The following ST8SIA5 variants were observed in gnomAD, a reference collection of about 807,000 sequenced individuals.
The protein encoded by ST8SIA5 is ST8 alpha-N-acetyl-neuraminide alpha-2,8-sialyltransferase 5.
Under a neutral mutation model 40.2 loss-of-function variants are expected in ST8SIA5, and 24 were observed. The ratio of observed to expected loss-of-function variants is 0.60; its 90% CI spans 0.43 to 0.84. The LOEUF is 0.84. Among genes scored for constraint, ST8SIA5 ranks in the 40% least tolerant of loss-of-function variants. The probability of loss-of-function intolerance (pLI) is 0.00; values close to 1 mark genes in which losing one functional copy is unlikely to be tolerated. For missense variants in ST8SIA5, 465 were observed against 498.5 expected, an observed-to-expected ratio of 0.93 and a Z score of 0.64; for synonymous variants, 198 against 201.8, an observed-to-expected ratio of 0.98 and a Z score of 0.16.
chr18:46,692,318 C>T (rs1052225320), intron 2 of ST8SIA5, 63 bp from the exon 3 acceptor site: 4 of 1,483,414 alleles, frequency 2.7e-6, no homozygotes, highest in Non-Finnish European at 3.8e-6. Flanking sequence ...CGATCATTCC[C>T]AGAAATGCTC....
intron 1 of ST8SIA5, among the ~76,000 whole-genome samples, chr18:46,718,804 T>C (rs1163836966): frequency 1.3e-5 from 2 of 152,126 alleles, no homozygotes. Context: ...AATTATTCAA[T>C]ATGTGAATAA....
At position 46,674,876 on chromosome 18, in the gene ST8SIA5, A is replaced by G. The variant is rs1357415811; in HGVS notation, c.*5166T>C. 5 of 152,204 alleles carry G rather than the reference A, an allele frequency of 3.3e-5. No homozygotes were observed. Among genetic ancestry groups the G allele is most frequent in the Non-Finnish European group, 4.4e-5 (3 of 68,088 alleles). 9.4% of individuals were successfully genotyped at this position (152,204 alleles called of 1,614,324 possible). A position where few individuals can be genotyped will look rare whatever the true frequency, so the allele number is the denominator to read the frequency against. On this transcript the variant is annotated 3_prime_UTR_variant, in exon 7 of 7. Coordinates refer to ENST00000315087, the MANE Select transcript of ST8SIA5 (RefSeq NM_013305.6). Reference sequence around the variant, plus strand: ...AGGGCCATTCCAGGTGTTTGAACAGAGTGTGCAAAGGTGCCTGGAATAGTA... The same window carrying G: ...AGGGCCATTCCAGGTGTTTGAACAGGGTGTGCAAAGGTGCCTGGAATAGTA...
Position 46,682,154 on chromosome 18 carries a change from T to C in ST8SIA5, c.570-90A>G, listed in dbSNP as rs983623038. The C allele has an allele frequency of 8.7e-6, 9 of 1,040,302 alleles. No homozygotes were observed. In the Admixed American group the frequency reaches 2.2e-4, roughly 25 times the overall value. 64.4% of individuals were successfully genotyped at this position (1,040,302 alleles called of 1,614,324 possible). ...AGGGGGAGGGGAGGGATGGTGATCA[T>C]GTGGGCAGAGGGATGCAAAGGCAAC... On this transcript the variant is annotated intron_variant, in intron 5 of 6. Coordinates refer to ENST00000315087, the MANE Select transcript of ST8SIA5 (RefSeq NM_013305.6).
At chr18:46,686,913 C>A (rs1243041352) in intron 4 of ST8SIA5, among the ~76,000 whole-genome samples, 1 of 151,678 alleles carries the variant, frequency 6.6e-6, no homozygotes, top group Non-Finnish European at 1.5e-5. Flanking sequence ...TTAAGAATTA[C>A]CTGGGATACT....
At chr18:46,743,949 ATATCCAGCCAAAC>A (rs753026192) in intron 1 of ST8SIA5, among the ~76,000 whole-genome samples, 4 of 152,240 alleles carry the variant, frequency 2.6e-5, no homozygotes, top group Admixed American at 1.3e-4. Context: ...CCAGAATTTC[ATATCCAGCCAAAC>A]TAAGCTTCAT....
intron 1 of ST8SIA5, among the ~76,000 whole-genome samples, chr18:46,742,447 T>C (rs1391265290): frequency 5.3e-5 from 8 of 150,654 alleles, no homozygotes; most frequent in Admixed American, 1.3e-4. Context: ...AATAGCAGAA[T>C]TGGACTTCAT....
intron 1 of ST8SIA5, chr18:46,723,157 G>A (rs932937764): frequency 6.0e-6 from 1 of 165,664 alleles, no homozygotes; most frequent in South Asian, 1.7e-4. Context: ...CGCAGGATGG[G>A]TGAGTCAGAT....
At chr18:46,681,266 C>A (rs935711801) in intron 6 of ST8SIA5, among the ~76,000 whole-genome samples, 1 of 152,160 alleles carries the variant, frequency 6.6e-6, no homozygotes, top group Non-Finnish European at 1.5e-5. Flanking sequence ...GCATGAGCCA[C>A]CACACCTGGC....
At chr18:46,711,516 T>C (rs12605659) in intron 1 of ST8SIA5, among the ~76,000 whole-genome samples, 94,539 of 152,050 alleles carry the variant, frequency 0.62, 29,712 homozygotes, top group East Asian at 0.78. Context: ...CAGCCATCGT[T>C]CTCTGGGGGG....
At chr18:46,688,075 C>T (rs573190432) in intron 4 of ST8SIA5, among the ~76,000 whole-genome samples, 50 of 152,336 alleles carry the variant, frequency 3.3e-4, no homozygotes, top group Middle Eastern at 6.8e-3. Flanking sequence ...TCACTCACTG[C>T]GGTCCTCAAT....
rs1245794084 is a variant in ST8SIA5, at chr18:46,715,242, C to A, written c.132-10578G>T. On this transcript the variant is annotated intron_variant, in intron 1 of 6. Transcript: ENST00000315087. Reference sequence around the variant, plus strand: ...GGAAGGCTGAAGTGAGCCAGCTGCACCTGCCACACAGGAGTGTGCTTCCTC... The same window carrying A: ...GGAAGGCTGAAGTGAGCCAGCTGCAACTGCCACACAGGAGTGTGCTTCCTC... Among the ~76,000 whole-genome samples, 3 of 152,228 alleles carry A rather than the reference C, an allele frequency of 2.0e-5. No individual in the cohort carries two copies. The South Asian group carries it at 6.2e-4, about 32-fold the overall frequency.
intron 1 of ST8SIA5, among the ~76,000 whole-genome samples, chr18:46,746,451 T>C (rs1464664673): frequency 6.6e-6 from 1 of 152,032 alleles, no homozygotes; most frequent in Non-Finnish European, 1.5e-5. Flanking sequence ...AAATCATGAG[T>C]GAACTCCCAT....
chr18:46,692,337 T>A lies in ST8SIA5; in HGVS notation c.225-82A>T, dbSNP rs899759068. The A allele has an allele frequency of 7.0e-6, 9 of 1,289,008 alleles. No individual in the cohort carries two copies. In the African/African-American group the frequency reaches 1.3e-4, roughly 19 times the overall value. 79.8% of individuals were successfully genotyped at this position (1,289,008 alleles called of 1,614,324 possible). A position where few individuals can be genotyped will look rare whatever the true frequency, so the allele number is the denominator to read the frequency against. ...CATTCCCAGAAATGCTCCCTCCTGA[T>A]CTCCCATAGGCCAAGTCCAGTCCTG... On this transcript the variant is annotated intron_variant, in intron 2 of 6. Coordinates refer to ENST00000315087, the MANE Select transcript of ST8SIA5 (RefSeq NM_013305.6).
intron 2 of ST8SIA5, among the ~76,000 whole-genome samples, chr18:46,701,231 C>A (rs889084681): frequency 6.7e-6 from 1 of 148,558 alleles, no homozygotes; most frequent in Non-Finnish European, 1.5e-5. Flanking sequence ...ACCTCCACCT[C>A]CCGGGTTCAA....
intron 1 of ST8SIA5, among the ~76,000 whole-genome samples, chr18:46,747,491 C>T (rs957590071): frequency 1.3e-5 from 2 of 152,198 alleles, no homozygotes; most frequent in African/African-American, 4.8e-5. Flanking sequence ...CACTGGTCAT[C>T]AGAGAAATCC....
Position 46,676,190 on chromosome 18 carries a change from G to A in ST8SIA5, c.*3852C>T, listed in dbSNP as rs907477320. 1 of 152,142 alleles carries A rather than the reference G, an allele frequency of 6.6e-6. No individual in the cohort carries two copies. The highest frequency in any genetic ancestry group is 2.1e-4 in the South Asian group (1 of 4,816). 9.4% of individuals were successfully genotyped at this position (152,142 alleles called of 1,614,324 possible). On this transcript the variant is annotated 3_prime_UTR_variant, in exon 7 of 7. Transcript: ENST00000315087. ...CTGCCAACCTTCAGAATTCGGAATT[G>A]ACTTTGGTCATCCCCTCCTCCACCT... is the stretch of plus-strand genomic sequence containing the variant.
chr18:46,740,018 T>C lies in ST8SIA5; in HGVS notation c.131+16360A>G, dbSNP rs187593032. Among the ~76,000 whole-genome samples, 28 of 152,298 alleles carry C rather than the reference T, an allele frequency of 1.8e-4. No homozygotes were observed. In the East Asian group the frequency reaches 5.4e-3, roughly 29 times the overall value. Reference sequence around the variant, plus strand: ...CTATGGCCAGTCATATTTCCTTCTCTCTTTCTCAGATATTGATCCCAAGAA... The same window carrying C: ...CTATGGCCAGTCATATTTCCTTCTCCCTTTCTCAGATATTGATCCCAAGAA... On this transcript the variant is annotated intron_variant, in intron 1 of 6. Coordinates refer to ENST00000315087, the MANE Select transcript of ST8SIA5 (RefSeq NM_013305.6).
At chr18:46,696,108 C>T (rs2039554625) in intron 2 of ST8SIA5, among the ~76,000 whole-genome samples, 1 of 152,166 alleles carries the variant, frequency 6.6e-6, no homozygotes, top group Non-Finnish European at 1.5e-5. Context: ...CAGGAGTGAG[C>T]TGTGCAAATA....
chr18:46,695,181 T>C (rs2039546239), intron 2 of ST8SIA5, among the ~76,000 whole-genome samples: 1 of 147,748 alleles, frequency 6.8e-6, no homozygotes, highest in Non-Finnish European at 1.5e-5. Context: ...AAAAAAACCC[T>C]TTTTAAAAAA....
Sources: gnomAD v4.1 joint callset for allele counts (sites outside exome capture counted in the v4.1 genomes callset) on GRCh38, gnomAD v4.1.1 for gene constraint, MANE v1.5 for transcripts, NCBI Gene and HGNC (gene_info 2026-07-23, HGNC 2026-07-21) for gene names.